The following DISC1 variants were observed in gnomAD, a reference collection of about 807,000 sequenced individuals.
DISC1 encodes the protein DISC1 scaffold protein.
In DISC1, 57 loss-of-function variants were observed where a neutral mutation model predicts 84.5. That is an observed-to-expected ratio of 0.67 (90% confidence interval 0.55 to 0.84). DISC1 has a LOEUF of 0.84. DISC1 is among the 40% of genes least tolerant of loss of function. DISC1 has a pLI of 0.00. For synonymous variants in DISC1, 411 were observed against 415.2 expected (o/e 0.99, Z 0.12); for missense variants, 1,000 against 1,057.8 (o/e 0.95, Z 0.76).
At chr1:231,654,589 T>C (rs1321430538) in intron 1 of DISC1, among the ~76,000 whole-genome samples, 1 of 152,184 alleles carries the variant, frequency 6.6e-6, no homozygotes, top group East Asian at 1.9e-4. Flanking sequence ...ACTGAAGCTT[T>C]GTATACTTTG....
In DISC1 at chr1:231,728,011, G is replaced by A. The variant is rs1017337563; in HGVS notation, c.1118-21915G>A. Among the ~76,000 whole-genome samples the A allele has an allele frequency of 3.9e-5, 6 of 151,962 alleles. 1 individual carries two copies. The highest frequency in any genetic ancestry group is 1.4e-4 in the African/African-American group (6 of 41,380). On this transcript the variant is annotated intron_variant, in intron 3 of 12. Transcript: ENST00000439617. ...AACCCTAAAATTATATTATAAGATT[G>A]TTTAGGATGAATCCAGGACTAAAAT...
At chr1:231,986,303 T>C (rs1446084235) in intron 10 of DISC1, among the ~76,000 whole-genome samples, 1 of 152,202 alleles carries the variant, frequency 6.6e-6, no homozygotes, top group African/African-American at 2.4e-5. Flanking sequence ...TAGAGGCAGA[T>C]ATTCTATTGG....
chr1:231,870,194 C>T (rs2085357474), intron 9 of DISC1, among the ~76,000 whole-genome samples: 1 of 152,158 alleles, frequency 6.6e-6, no homozygotes, highest in Admixed American at 6.5e-5. Flanking sequence ...GATATGGGAA[C>T]ATCACTCCCA....
chr1:231,831,698 G>A (rs1450715571), intron 9 of DISC1, among the ~76,000 whole-genome samples: 7 of 152,352 alleles, frequency 4.6e-5, no homozygotes, highest in South Asian at 2.1e-4. Context: ...GGACCCTTGC[G>A]TAGTGAGGAA....
intron 9 of DISC1, among the ~76,000 whole-genome samples, chr1:231,862,538 T>C (rs59736838): frequency 0.018 from 2,752 of 152,308 alleles, 49 homozygotes; most frequent in African/African-American, 0.044. Context: ...AAGTATCTGG[T>C]GTATGATTGC....
At chr1:231,871,253 C>T (rs1057384506) in intron 9 of DISC1, among the ~76,000 whole-genome samples, 2 of 152,154 alleles carry the variant, frequency 1.3e-5, no homozygotes, top group Non-Finnish European at 2.9e-5. Flanking sequence ...CTATTAGTCG[C>T]CATTCTCTCC....
chr1:231,947,849 A>G (rs886178724), intron 9 of DISC1, among the ~76,000 whole-genome samples: 1 of 147,728 alleles, frequency 6.8e-6, no homozygotes, highest in Non-Finnish European at 1.5e-5. Flanking sequence ...AAACAGACGT[A>G]TAAAAAAATG....
intron 6 of DISC1, among the ~76,000 whole-genome samples, chr1:231,779,399 A>T (rs1032531597): frequency 2.0e-5 from 3 of 152,188 alleles, no homozygotes; most frequent in Admixed American, 6.5e-5. Flanking sequence ...ATTGTAATAC[A>T]TGTAAATGTT....
At chr1:231,869,632 G>A (rs899303920) in intron 9 of DISC1, among the ~76,000 whole-genome samples, 1 of 151,828 alleles carries the variant, frequency 6.6e-6, no homozygotes, top group Admixed American at 6.5e-5. Context: ...GGAGGTGCCA[G>A]GCTCTCTAGG....
intron 9 of DISC1, among the ~76,000 whole-genome samples, chr1:231,935,377 T>G (rs1383844646): frequency 6.6e-6 from 1 of 152,092 alleles, no homozygotes; most frequent in Non-Finnish European, 1.5e-5. Context: ...TTTATTAGAG[T>G]GCTTCTCAAA....
chr1:231,965,331 T>C (rs951449774), intron 10 of DISC1, among the ~76,000 whole-genome samples: 2 of 152,334 alleles, frequency 1.3e-5, no homozygotes, highest in South Asian at 2.1e-4. Context: ...GGATTTTTTT[T>C]CCAATTTCCA....
chr1:231,856,060 A>G (rs1245257511), intron 9 of DISC1, among the ~76,000 whole-genome samples: 1 of 152,230 alleles, frequency 6.6e-6, no homozygotes, highest in Non-Finnish European at 1.5e-5. Context: ...TTCAGCAAAC[A>G]TAAACTCATA....
chr1:231,989,553 A>T (rs1664909924), intron 10 of DISC1, among the ~76,000 whole-genome samples: 1 of 152,276 alleles, frequency 6.6e-6, no homozygotes, highest in African/African-American at 2.4e-5. Flanking sequence ...TACGAAGGAA[A>T]GAATAACTAG....
At chr1:231,869,256 G>T in intron 9 of DISC1, among the ~76,000 whole-genome samples, 1 of 152,172 alleles carries the variant, frequency 6.6e-6, no homozygotes, top group Non-Finnish European at 1.5e-5. Context: ...CCACCGGGGA[G>T]TCTGTCTTGT....
At chr1:231,984,898 TAGCAC>T (rs1269981417) in intron 10 of DISC1, among the ~76,000 whole-genome samples, 1 of 152,134 alleles carries the variant, frequency 6.6e-6, no homozygotes, top group East Asian at 1.9e-4. Context: ...GGAAAAAGCT[TAGCAC>T]GGGGTCAAGA....
chr1:231,769,412 A>G (rs1347548321), intron 5 of DISC1, among the ~76,000 whole-genome samples: 1 of 152,248 alleles, frequency 6.6e-6, no homozygotes, highest in Non-Finnish European at 1.5e-5. Flanking sequence ...ATGAGTATGT[A>G]CATGTAATGA....
At position 231,630,503 on chromosome 1, in the gene DISC1, T is replaced by TGTG. The variant is rs2058630117; in HGVS notation, c.67+3570_67+3572dup. Reference sequence around the variant, plus strand: ...AATGATGGTAATTGAGTTTATATGCTGTGTTCTCATGAATCCAAGCAGAGC... The same window carrying TGTG: ...AATGATGGTAATTGAGTTTATATGCTGTGGTGTTCTCATGAATCCAAGCAGAGC... On this transcript the variant is annotated intron_variant, in intron 1 of 12. Coordinates refer to ENST00000439617, the MANE Select transcript of DISC1 (RefSeq NM_018662.3). The surrounding 1 kb of genome is among the most constrained non-coding windows in gnomAD (Gnocchi z 4.4). 6.6e-6 allele frequency among the ~76,000 whole-genome samples: 1 copy of TGTG among 152,064 alleles called. No homozygotes were observed. Among genetic ancestry groups the TGTG allele is most frequent in the Non-Finnish European group, 1.5e-5 (1 of 68,012 alleles).
chr1:231,759,969 C>T (rs919319612), intron 4 of DISC1, among the ~76,000 whole-genome samples: 6 of 152,186 alleles, frequency 3.9e-5, no homozygotes, highest in African/African-American at 1.4e-4. Flanking sequence ...TAAAGGTCTT[C>T]CATATCATCC....
chr1:231,784,839 C>G (rs1257615546), intron 6 of DISC1, among the ~76,000 whole-genome samples: 3 of 152,202 alleles, frequency 2.0e-5, no homozygotes, highest in Non-Finnish European at 4.4e-5. Context: ...TCCTACCTCT[C>G]AGCTCAGATC....
Sources: gnomAD v4.1 joint callset for allele counts (sites outside exome capture counted in the v4.1 genomes callset) on GRCh38, gnomAD v4.1.1 for gene constraint, Gnocchi (gnomAD v3.1) non-coding constraint, MANE v1.5 for transcripts, NCBI Gene and HGNC (gene_info 2026-07-23, HGNC 2026-07-21) for gene names.